The following TENM2 variants were observed in gnomAD, a reference collection of about 807,000 sequenced individuals.
The protein encoded by TENM2 is teneurin-2.
In TENM2, 52 loss-of-function variants were observed where a neutral mutation model predicts 245.2. That is an observed-to-expected ratio of 0.21 (90% CI 0.17 to 0.27). The LOEUF is 0.27. Ranked by LOEUF, TENM2 falls within the 10% of genes least tolerant of loss-of-function variation. The pLI is 1.00. For missense variants in TENM2, 3,046 were observed against 3,666.8 expected (o/e 0.83, Z 4.37); for synonymous variants, 1,363 against 1,438.9 (o/e 0.95, Z 1.19).
chr5:167,965,426 G>A (rs1390427931), intron 4 of TENM2: 1 of 151,972 alleles, frequency 6.6e-6, no homozygotes, highest in Non-Finnish European at 1.5e-5. Context: ...TTTAAAAAAT[G>A]TCTCTCCAGG....
intron 2 of TENM2, among the ~76,000 whole-genome samples, chr5:167,388,686 G>A (rs2127356313): frequency 1.3e-5 from 2 of 152,024 alleles, no homozygotes; most frequent in South Asian, 4.1e-4. Flanking sequence ...TGTCCCAGAG[G>A]TTTTGATAGG....
At chr5:167,329,031 T>G (rs1757266747) in intron 1 of TENM2, among the ~76,000 whole-genome samples, 1 of 152,052 alleles carries the variant, frequency 6.6e-6, no homozygotes, top group African/African-American at 2.4e-5. Context: ...GAGAAAGGAG[T>G]TAGTACCTTC....
intron 1 of TENM2, among the ~76,000 whole-genome samples, chr5:167,323,783 T>C (rs539158993): frequency 2.4e-4 from 36 of 152,260 alleles, no homozygotes; most frequent in Middle Eastern, 3.4e-3. Context: ...ACTCAGAGCA[T>C]ATAGTACAGG....
intron 19 of TENM2, among the ~76,000 whole-genome samples, chr5:168,208,199 C>T (rs986782693): frequency 1.3e-5 from 2 of 152,186 alleles, no homozygotes; most frequent in African/African-American, 4.8e-5. Flanking sequence ...GGGACGGTAT[C>T]TCTCTCCCTT....
At chr5:167,880,724 C>T (rs938707520) in intron 3 of TENM2, among the ~76,000 whole-genome samples, 1 of 152,176 alleles carries the variant, frequency 6.6e-6, no homozygotes, top group Admixed American at 6.5e-5. Flanking sequence ...ACATAGAGCG[C>T]ACTTTCCATG....
chr5:168,174,572 T>C (rs1219862030), intron 13 of TENM2, among the ~76,000 whole-genome samples: 4 of 152,194 alleles, frequency 2.6e-5, no homozygotes, highest in African/African-American at 9.6e-5. Context: ...AGCCCAAGAA[T>C]GTGCATTTCT....
intron 12 of TENM2, among the ~76,000 whole-genome samples, chr5:168,139,726 T>C (rs966938706): frequency 1.3e-5 from 2 of 152,138 alleles, no homozygotes; most frequent in African/African-American, 4.8e-5. Flanking sequence ...AGTGGGTGCA[T>C]TCAACAGGGT....
At chr5:167,629,894 G>A (rs969866044) in intron 2 of TENM2, among the ~76,000 whole-genome samples, 1 of 151,806 alleles carries the variant, frequency 6.6e-6, no homozygotes, top group Non-Finnish European at 1.5e-5. Context: ...AGGAGGAGGA[G>A]GAGGGGGGAA....
At chr5:168,216,777 T>G in exon 22 of TENM2, 1 of 1,613,848 alleles carries the variant, frequency 6.2e-7, no homozygotes, top group Non-Finnish European at 8.5e-7. Flanking sequence ...GGTATTGCAG[T>G]AGACAAGAAT....
At chr5:168,038,937 G>T (rs1787940813) in intron 5 of TENM2, among the ~76,000 whole-genome samples, 2 of 152,140 alleles carry the variant, frequency 1.3e-5, no homozygotes, top group South Asian at 4.2e-4. Context: ...AGGGCTCACT[G>T]GGAGCAGTTT....
chr5:167,061,754 G>A, the TENM2 span, among the ~76,000 whole-genome samples: 4 of 152,014 alleles, frequency 2.6e-5, no homozygotes, highest in African/African-American at 7.2e-5. Flanking sequence ...AACTGAATTC[G>A]TGTGTTAAAC....
At chr5:167,090,957 G>T in the TENM2 span, among the ~76,000 whole-genome samples, 1 of 152,088 alleles carries the variant, frequency 6.6e-6, no homozygotes, top group South Asian at 2.1e-4. Flanking sequence ...GTTTTTCAAC[G>T]CTTTCTGCTT....
intron 23 of TENM2, among the ~76,000 whole-genome samples, chr5:168,223,805 A>G (rs183588699): frequency 1.6e-3 from 237 of 152,270 alleles, no homozygotes; most frequent in African/African-American, 5.3e-3. Context: ...GAAAATGCAA[A>G]GAAGAAAATG....
At chr5:168,127,492 T>C (rs1795941517) in intron 12 of TENM2, among the ~76,000 whole-genome samples, 1 of 152,256 alleles carries the variant, frequency 6.6e-6, no homozygotes. Context: ...GGTCCCATTT[T>C]ATTCTCACTC....
chr5:167,477,516 A>G (rs557525394), intron 2 of TENM2, among the ~76,000 whole-genome samples: 1 of 152,298 alleles, frequency 6.6e-6, no homozygotes, highest in South Asian at 2.1e-4. Flanking sequence ...TGTAATAATA[A>G]TAGCTGACAT....
chr5:168,136,672 C>G (rs1186937660), intron 12 of TENM2, among the ~76,000 whole-genome samples: 1 of 152,162 alleles, frequency 6.6e-6, no homozygotes, highest in Non-Finnish European at 1.5e-5. Flanking sequence ...GCTGAGCTGT[C>G]GAACAGACAC....
intron 2 of TENM2, among the ~76,000 whole-genome samples, chr5:167,793,398 T>C (rs1765111351): frequency 6.6e-6 from 1 of 152,188 alleles, no homozygotes; most frequent in African/African-American, 2.4e-5. Context: ...TAGTAGATTA[T>C]GCTAAATACT....
intron 9 of TENM2, among the ~76,000 whole-genome samples, chr5:168,100,434 G>A (rs1365312801): frequency 8.8e-5 from 12 of 136,408 alleles, no homozygotes; most frequent in African/African-American, 1.7e-4. Context: ...ATATGCACAC[G>A]TATGTTTTAT....
At chr5:167,223,060 AT>A in the TENM2 span, among the ~76,000 whole-genome samples, 3 of 152,024 alleles carry the variant, frequency 2.0e-5, no homozygotes, top group South Asian at 6.2e-4. Flanking sequence ...TTTTTGACAT[AT>A]TTTTACATAT....
Sources: allele counts gnomAD v4.1 joint callset (sites outside exome capture counted in the v4.1 genomes callset), GRCh38; gene constraint gnomAD v4.1.1; transcripts MANE v1.5; gene names NCBI Gene and HGNC (gene_info 2026-07-23, HGNC 2026-07-21).